Variants in TRIO observed in about 807,000 individuals in gnomAD.
The protein encoded by TRIO is trio Rho guanine nucleotide exchange factor, also known as triple functional domain protein.
Under a neutral mutation model 351.9 loss-of-function variants are expected in TRIO, and 58 were observed. The ratio of observed to expected loss-of-function variants is 0.16; its 90% CI spans 0.13 to 0.21. TRIO has a LOEUF of 0.21. Among genes scored for constraint, TRIO ranks in the 10% least tolerant of loss-of-function variants. The pLI, the probability that TRIO is intolerant of heterozygous loss-of-function variation, is 1.00. For synonymous variants in TRIO, 1,758 were observed against 1,595.7 expected, an observed-to-expected ratio of 1.10 and a Z score of -2.42; for missense variants, 3,201 against 4,027.8, an observed-to-expected ratio of 0.79 and a Z score of 5.56.
intron 18 of TRIO, among the ~76,000 whole-genome samples, chr5:14,370,951 T>C (rs1337209508): frequency 2.6e-5 from 4 of 152,206 alleles, no homozygotes; most frequent in Non-Finnish European, 4.4e-5. Flanking sequence ...GGTCCTCAAG[T>C]TACGATGGTT....
chr5:14,459,553 C>T (rs1753614707), intron 34 of TRIO, among the ~76,000 whole-genome samples: 1 of 152,170 alleles, frequency 6.6e-6, no homozygotes, highest in African/African-American at 2.4e-5. Flanking sequence ...GGCTGAGTGT[C>T]TGCTGTCACC....
At chr5:14,157,813 C>G (rs778874716) in intron 1 of TRIO, among the ~76,000 whole-genome samples, 1 of 152,008 alleles carries the variant, frequency 6.6e-6, no homozygotes, top group Admixed American at 6.5e-5. Context: ...GTCTTGAACT[C>G]CTGGGCTCAA....
chr5:14,380,794 A>G (rs565240701), intron 20 of TRIO, among the ~76,000 whole-genome samples: 3 of 152,328 alleles, frequency 2.0e-5, no homozygotes, highest in Non-Finnish European at 2.9e-5. Flanking sequence ...ACTATTCACA[A>G]TAGCAAAGAC....
chr5:14,243,646 T>C (rs73751311), intron 1 of TRIO, among the ~76,000 whole-genome samples: 4,995 of 152,314 alleles, frequency 0.033, 285 homozygotes, highest in African/African-American at 0.11. Flanking sequence ...AACTAGTTTT[T>C]CCCCAGCATT....
chr5:14,336,281 G>A (rs1013676066), intron 10 of TRIO, among the ~76,000 whole-genome samples: 1 of 152,180 alleles, frequency 6.6e-6, no homozygotes, highest in African/African-American at 2.4e-5. Flanking sequence ...GCAATTGCCT[G>A]CAGATAGTCC....
intron 34 of TRIO, chr5:14,441,023 C>T (rs1579662386): frequency 2.0e-5 from 3 of 151,958 alleles, no homozygotes; most frequent in Admixed American, 6.6e-5. Flanking sequence ...CGCGCTCAGA[C>T]GCCAGCGAGG....
intron 1 of TRIO, among the ~76,000 whole-genome samples, chr5:14,267,703 CATATG>C (rs1347065377): frequency 1.3e-5 from 2 of 152,040 alleles, no homozygotes; most frequent in Non-Finnish European, 2.9e-5. Flanking sequence ...TTGAAAGTTA[CATATG>C]ATATATTTAA....
chr5:14,221,707 A>T (rs191434783), intron 1 of TRIO, among the ~76,000 whole-genome samples: 1 of 152,362 alleles, frequency 6.6e-6, no homozygotes, highest in Admixed American at 6.5e-5. Context: ...TCTCGTGATT[A>T]AACTCCTCAG....
Position 14,369,244 on chromosome 5 carries a change from G to C in TRIO, c.3067-130G>C, listed in dbSNP as rs556134680. The C allele has an allele frequency of 2.3e-4, 306 of 1,331,612 alleles. 1 individual carries two copies. The highest frequency in any genetic ancestry group is 3.0e-4 in the Non-Finnish European group (295 of 992,316). 82.5% of individuals were successfully genotyped at this position (1,331,612 alleles called of 1,614,324 possible). On this transcript the variant is annotated intron_variant, in intron 17 of 56. Coordinates refer to ENST00000344204, the MANE Select transcript of TRIO (RefSeq NM_007118.4). ...GTTCTCCAGCCAGGTGGAGCCCATG[G>C]CTCCTTCTTATGGTCTTGATCCTCC...
intron 11 of TRIO, among the ~76,000 whole-genome samples, chr5:14,342,199 G>C (rs78289442): frequency 5.9e-5 from 9 of 152,118 alleles, no homozygotes; most frequent in African/African-American, 2.2e-4. Flanking sequence ...TTCTTGGTAC[G>C]TGAGGCTCTC....
intron 4 of TRIO, among the ~76,000 whole-genome samples, chr5:14,287,979 G>C (rs967992323): frequency 1.3e-5 from 2 of 152,082 alleles, no homozygotes; most frequent in African/African-American, 4.8e-5. Flanking sequence ...TTGCACAGGT[G>C]TATTACTTGG....
chr5:14,335,538 G>A (rs1052831032), intron 10 of TRIO, among the ~76,000 whole-genome samples: 3 of 152,178 alleles, frequency 2.0e-5, no homozygotes, highest in Admixed American at 2.0e-4. Context: ...CCTTCCTGTT[G>A]GAGGAACCCA....
intron 20 of TRIO, among the ~76,000 whole-genome samples, chr5:14,380,338 C>T (rs1176732030): frequency 6.8e-6 from 1 of 147,184 alleles, no homozygotes; most frequent in Non-Finnish European, 1.5e-5. Context: ...CCTCCTCCTT[C>T]GCTCCTCGCT....
intron 34 of TRIO, among the ~76,000 whole-genome samples, chr5:14,452,094 T>C (rs1752886356): frequency 6.6e-6 from 1 of 152,200 alleles, no homozygotes; most frequent in Admixed American, 6.5e-5. Context: ...TGTGTGCATG[T>C]TTGGCTGACG....
intron 1 of TRIO, among the ~76,000 whole-genome samples, chr5:14,192,252 TC>T (rs1488629224): frequency 1.3e-5 from 2 of 150,456 alleles, no homozygotes; most frequent in African/African-American, 4.9e-5. Flanking sequence ...CCCTTTTTTT[TC>T]CTTCTTCTTT....
chr5:14,340,458 T>C (rs2152322503), intron 11 of TRIO, among the ~76,000 whole-genome samples: 1 of 152,164 alleles, frequency 6.6e-6, no homozygotes, highest in East Asian at 1.9e-4. Flanking sequence ...TTCATGAAGC[T>C]TTTTTAGAAG....
At chr5:14,420,497 G>A (rs1750029840) in intron 34 of TRIO, 1 of 153,490 alleles carries the variant, frequency 6.5e-6, no homozygotes, top group South Asian at 2.1e-4. Context: ...CTAAATGTGA[G>A]TTTACTGTCA....
At chr5:14,502,505 G>A in intron 53 of TRIO, 74 bp from the exon 54 acceptor site, 2 of 1,497,482 alleles carry the variant, frequency 1.3e-6, no homozygotes, top group Non-Finnish European at 1.9e-6. Flanking sequence ...GTGAGGGACA[G>A]TGCGTGGCGA....
intron 11 of TRIO, among the ~76,000 whole-genome samples, chr5:14,341,173 T>C (rs901456914): frequency 6.6e-6 from 1 of 152,246 alleles, no homozygotes; most frequent in African/African-American, 2.4e-5. Context: ...GTCCTGTGTA[T>C]GGCATTTATT....
Sources: allele counts gnomAD v4.1 joint callset (sites outside exome capture counted in the v4.1 genomes callset), GRCh38; gene constraint gnomAD v4.1.1; transcripts MANE v1.5; gene names NCBI Gene and HGNC (gene_info 2026-07-23, HGNC 2026-07-21).